Variants in CACNB2 observed in about 807,000 individuals in gnomAD.
The protein encoded by CACNB2 is voltage-dependent L-type calcium channel subunit beta-2.
In CACNB2, 42 loss-of-function variants were observed where a neutral mutation model predicts 73.3. The observed-to-expected ratio is 0.57, with a 90% CI of 0.45 to 0.74. The LOEUF is 0.74. Ranked by LOEUF, CACNB2 falls within the 30% of genes least tolerant of loss-of-function variation. CACNB2 has a pLI of 0.00. For missense variants in CACNB2, 940 were observed against 853.0 expected (o/e 1.10, Z -1.27); for synonymous variants, 348 against 310.3 (o/e 1.12, Z -1.28).
chr10:18,195,171 A>G (rs1168900358), intron 2 of CACNB2, among the ~76,000 whole-genome samples: 1 of 152,120 alleles, frequency 6.6e-6, no homozygotes, highest in Non-Finnish European at 1.5e-5. Flanking sequence ...CACTCCAGCT[A>G]TTTTAGGCAG....
intron 9 of CACNB2, 39 bp from the exon 10 acceptor site, chr10:18,527,547 CCA>C (rs2052601833): frequency 7.7e-7 from 1 of 1,302,042 alleles, no homozygotes; most frequent in African/African-American, 1.5e-5. Flanking sequence ...TTTGATTAGA[CCA>C]ATAACCTTAA....
chr10:18,425,786 G>T (rs887810270), intron 3 of CACNB2, among the ~76,000 whole-genome samples: 1 of 151,926 alleles, frequency 6.6e-6, no homozygotes, highest in Non-Finnish European at 1.5e-5. Context: ...GTAATTCCTC[G>T]ATCTTTCTGG....
chr10:18,366,316 T>G (rs1267196041), intron 2 of CACNB2, among the ~76,000 whole-genome samples: 1 of 150,930 alleles, frequency 6.6e-6, no homozygotes, highest in Non-Finnish European at 1.5e-5. Context: ...ATACAAAAAA[T>G]TAGCCGGGCG....
chr10:18,150,381 C>T (rs905877719), intron 1 of CACNB2, among the ~76,000 whole-genome samples: 5 of 152,230 alleles, frequency 3.3e-5, no homozygotes, highest in African/African-American at 1.2e-4. Flanking sequence ...AAACCCTCCT[C>T]AGCCGGGTGC....
At chr10:18,145,967 C>T (rs2030928518) in intron 1 of CACNB2, among the ~76,000 whole-genome samples, 2 of 152,130 alleles carry the variant, frequency 1.3e-5, no homozygotes, top group African/African-American at 4.8e-5. Context: ...TCCTTCCTCC[C>T]TCCTCCCTCC....
intron 2 of CACNB2, among the ~76,000 whole-genome samples, chr10:18,345,541 G>T (rs969084157): frequency 2.6e-5 from 4 of 152,138 alleles, no homozygotes; most frequent in African/African-American, 9.7e-5. Context: ...CCATCCGTCT[G>T]TCTCTGTATG....
At position 18,498,407 on chromosome 10, in the gene CACNB2, A is replaced by C; in HGVS notation, c.386A>C (p.His129Pro). ...ACAAATGTCAGCTACAGTGCGGCCC[A>C]TGAAGATGATGTTCCAGTGCCTGGC... ...VRTNVSYSAA[H>P]EDDVPVPGMA... The change falls in exon 4 of 14, where the codon CAT (histidine) becomes CCT (proline). Residue 129 changes from histidine (H) to proline (P), a missense_variant. His to Pro is a moderately conservative substitution (Grantham distance 77). Coordinates refer to ENST00000324631, the MANE Select transcript of CACNB2 (RefSeq NM_201596.3). 1 of 1,614,168 alleles carries C rather than the reference A, an allele frequency of 6.2e-7. No homozygotes were observed. The highest frequency in any genetic ancestry group is 1.1e-5 in the South Asian group (1 of 91,084).
chr10:18,296,011 T>G (rs971406977), intron 2 of CACNB2, among the ~76,000 whole-genome samples: 1 of 148,582 alleles, frequency 6.7e-6, no homozygotes, highest in East Asian at 1.9e-4. Flanking sequence ...TTTTTTTTTT[T>G]TTTTTTTTTT....
chr10:18,495,545 C>CTGTGTGTGTGTGTG (rs59858946), intron 3 of CACNB2, among the ~76,000 whole-genome samples: 1 of 124,708 alleles, frequency 8.0e-6, no homozygotes, highest in African/African-American at 3.3e-5. Context: ...AGTATAAAAA[C>CTGTGTGTGTGTGTG]TGTGTGTGTG....
At chr10:18,470,720 G>T (rs1013539106) in intron 3 of CACNB2, among the ~76,000 whole-genome samples, 9 of 152,060 alleles carry the variant, frequency 5.9e-5, no homozygotes, top group African/African-American at 1.9e-4. Context: ...CAAGCACTTA[G>T]CTTGGTGTCT....
intron 2 of CACNB2, among the ~76,000 whole-genome samples, chr10:18,229,504 CT>C (rs2036143811): frequency 1.3e-5 from 2 of 152,080 alleles, no homozygotes; most frequent in Non-Finnish European, 2.9e-5. Flanking sequence ...CACTTTTAAA[CT>C]TTTTTCAATT....
Position 18,499,617 on chromosome 10 carries a change from GAAAAAA to G in CACNB2, c.456+1157_456+1162del, listed in dbSNP as rs59492615. On this transcript the variant is annotated intron_variant, in intron 4 of 13. Transcript: ENST00000324631. ...CGACAGAGTGAGATTCTGTCTCAAA[GAAAAAA>G]AAAAAAAAAAAAAAAAGAACCTAGA... is the stretch of plus-strand genomic sequence containing the variant. Among the ~76,000 whole-genome samples, 18 of 99,658 alleles carry G rather than the reference GAAAAAA, an allele frequency of 1.8e-4. 1 individual carries two copies. Among genetic ancestry groups the G allele is most frequent in the African/African-American group, 6.5e-4 (17 of 26,084 alleles). The allele number at this position is 99,658 out of a possible 152,430, so 65.4% of individuals were successfully genotyped here. A position where few individuals can be genotyped will look rare whatever the true frequency, so the allele number is the denominator to read the frequency against.
chr10:18,253,705 TC>T (rs1365471602), intron 2 of CACNB2, among the ~76,000 whole-genome samples: 1 of 152,214 alleles, frequency 6.6e-6, no homozygotes, highest in Non-Finnish European at 1.5e-5. Context: ...CCCTCTCCTT[TC>T]TCACTTCCTC....
chr10:18,520,027 G>T, intron 9 of CACNB2: 1 of 287,058 alleles, frequency 3.5e-6, no homozygotes, highest in Non-Finnish European at 6.7e-6. Flanking sequence ...TCATCAACTG[G>T]AAATCTTGGA....
intron 2 of CACNB2, among the ~76,000 whole-genome samples, chr10:18,325,689 C>CCCTTCCTTCCTT (rs1355342877): frequency 8.5e-4 from 76 of 89,094 alleles, no homozygotes; most frequent in Non-Finnish European, 1.0e-3. Flanking sequence ...CTCCCTCCCT[C>CCCTTCCTTCCTT]CCTTCCTTCC....
chr10:18,151,264 G>T, intron 2 of CACNB2: 1 of 323,068 alleles, frequency 3.1e-6, no homozygotes, highest in African/African-American at 2.2e-5. Context: ...TTATGGATTT[G>T]GGGGGATTGT....
At position 18,164,705 on chromosome 10, in the gene CACNB2, G is replaced by T. The variant is rs186268242; in HGVS notation, c.213+13730G>T. Among the ~76,000 whole-genome samples, 9 of 151,782 alleles carry T rather than the reference G, an allele frequency of 5.9e-5. No homozygotes were observed. The East Asian group carries it at 1.5e-3, about 26-fold the overall frequency. On this transcript the variant is annotated intron_variant, in intron 2 of 13. Transcript: ENST00000324631. The stretch of plus-strand genomic sequence containing the variant: ...CCTGATTTCAAACCCAGATGTTTCA[G>T]CCCGGACATCTGTGTTTAGTCTTTT...
chr10:18,497,458 C>T (rs546198212), intron 3 of CACNB2, among the ~76,000 whole-genome samples: 11 of 151,880 alleles, frequency 7.2e-5, no homozygotes, highest in South Asian at 2.1e-4. Flanking sequence ...CTGACTTTGT[C>T]CCCCGGGCTG....
chr10:18,497,653 A>C (rs1200029996), intron 3 of CACNB2, among the ~76,000 whole-genome samples: 4 of 152,064 alleles, frequency 2.6e-5, no homozygotes, highest in Non-Finnish European at 1.5e-5. Flanking sequence ...TTGAACTCCT[A>C]GGGTCAAGCA....
Sources: allele counts gnomAD v4.1 joint callset (sites outside exome capture counted in the v4.1 genomes callset), GRCh38; gene constraint gnomAD v4.1.1; transcripts MANE v1.5; gene names NCBI Gene and HGNC (gene_info 2026-07-23, HGNC 2026-07-21).